ARSF: variants seen among roughly 807,000 people sequenced by gnomAD.
ARSF encodes the protein arylsulfatase F.
Under a neutral mutation model 35.4 loss-of-function variants are expected in ARSF, and 33 were observed. That is an observed-to-expected ratio of 0.93 (90% confidence interval 0.71 to 1.25). ARSF has a LOEUF of 1.25. ARSF is among the 50% of genes most tolerant of loss of function. The pLI, the probability that ARSF is intolerant of heterozygous loss-of-function variation, is 0.00. For synonymous variants in ARSF, 222 were observed against 193.1 expected, an observed-to-expected ratio of 1.15 and a Z score of -1.24; for missense variants, 501 against 480.2, an observed-to-expected ratio of 1.04 and a Z score of -0.40.
chrX:3,050,761 G>C (rs1488302452), intron 1 of ARSF, among the ~76,000 whole-genome samples: 1 of 110,734 alleles, frequency 9.0e-6, no homozygotes, highest in East Asian at 2.8e-4. Context: ...GCCAGCACTT[G>C]GGAGGGGAGC....
At chrX:3,046,533 G>C in intron 1 of ARSF, among the ~76,000 whole-genome samples, 1 of 112,145 alleles carries the variant, frequency 8.9e-6, no homozygotes, top group South Asian at 3.7e-4. Flanking sequence ...GGAATTTAGA[G>C]ATGGATCCTA....
In ARSF at chrX:3,109,561, G is replaced by A. The variant is rs1190893076; in HGVS notation, c.1266-567G>A. 3.6e-5 allele frequency among the ~76,000 whole-genome samples: 4 copies of A among 110,428 alleles called. No individual in the cohort carries two copies. The Admixed American group carries it at 3.9e-4, about 11-fold the overall frequency. ...CCAAGCAGTGAACATAGCGCCCAAC[G>A]GGTAGTTTTTCAACCCTTCCCTCCT... is the stretch of plus-strand genomic sequence containing the variant. On this transcript the variant is annotated intron_variant, in intron 9 of 10. Coordinates refer to ENST00000381127, the MANE Select transcript of ARSF (RefSeq NM_001201539.2).
chrX:3,110,128 G>A lies in ARSF; in HGVS notation c.1266G>A (p.Arg422=). ...ATCTGCACTGTCTGTGTCTCTGCAG[G>A]GTCATTGACGGCCGAGACCTCATGC... is the stretch of plus-strand genomic sequence containing the variant. ...SVSGGSLPQD[R]VIDGRDLMPL... is the part of the protein sequence containing the mutation. Residue 422 remains arginine (R), a splice_region_variant and synonymous_variant, in exon 10 of 11, where the codon AGG becomes AGA. Coordinates refer to ENST00000381127, the MANE Select transcript of ARSF (RefSeq NM_001201539.2). 8.5e-7 allele frequency: 1 copy of A among 1,178,778 alleles called. No individual in the cohort carries two copies. Among genetic ancestry groups the A allele is most frequent in the Non-Finnish European group, 1.1e-6 (1 of 878,479 alleles).
chrX:3,092,259 C>G (rs1226825977), intron 7 of ARSF, among the ~76,000 whole-genome samples: 2 of 111,195 alleles, frequency 1.8e-5, no homozygotes, highest in Non-Finnish European at 3.8e-5. Flanking sequence ...TACTTTCTGC[C>G]TCCACCAGCA....
Position 3,112,712 on chromosome X carries a change from C to T in ARSF, c.*156C>T. The stretch of plus-strand genomic sequence containing the variant: ...ATCTACCATTCCAGATTATTAAAGG[C>T]CCACTGGTTGTTCCACTTGCTGCTT... On this transcript the variant is annotated 3_prime_UTR_variant, in exon 11 of 11. Coordinates refer to ENST00000381127, the MANE Select transcript of ARSF (RefSeq NM_001201539.2). The T allele has an allele frequency of 1.2e-6, 1 of 818,846 alleles. No individual in the cohort carries two copies. The highest frequency in any genetic ancestry group is 3.8e-5 in the East Asian group (1 of 26,531). The allele number at this position is 818,846 out of a possible 1,213,427, so 67.5% of individuals were successfully genotyped here.
chrX:3,082,394 A>T (rs1244848516), intron 5 of ARSF, among the ~76,000 whole-genome samples: 2 of 111,198 alleles, frequency 1.8e-5, no homozygotes, highest in African/African-American at 3.3e-5. Flanking sequence ...CTACCTGTCT[A>T]TCTATCTACC....
intron 1 of ARSF, among the ~76,000 whole-genome samples, chrX:3,048,789 G>A (rs1007273101): frequency 7.1e-5 from 8 of 112,139 alleles, no homozygotes; most frequent in African/African-American, 1.6e-4. Flanking sequence ...TTTTGGGTTC[G>A]CAATAGATTC....
chrX:3,103,302 G>A (rs1264852824), intron 8 of ARSF, among the ~76,000 whole-genome samples: 2 of 111,130 alleles, frequency 1.8e-5, no homozygotes, highest in East Asian at 5.7e-4. Context: ...GAAAAAACAC[G>A]AGAGTAAAGA....
At chrX:3,085,204 A>T (rs1375433617) in intron 6 of ARSF, among the ~76,000 whole-genome samples, 2 of 109,254 alleles carry the variant, frequency 1.8e-5, no homozygotes, top group Non-Finnish European at 3.8e-5. Flanking sequence ...ACTTAAACTC[A>T]CAAATTGTTT....
intron 1 of ARSF, among the ~76,000 whole-genome samples, chrX:3,060,555 A>G (rs2090037669): frequency 9.0e-6 from 1 of 111,614 alleles, no homozygotes; most frequent in African/African-American, 3.3e-5. Context: ...CAAGGACGCT[A>G]AAAACCTTGA....
intron 1 of ARSF, among the ~76,000 whole-genome samples, chrX:3,058,805 G>A (rs747645715): frequency 6.3e-5 from 7 of 111,711 alleles, no homozygotes; most frequent in South Asian, 3.8e-4. Context: ...AGGCTGCAGC[G>A]AGCTCTTATC....
chrX:3,090,573 C>T (rs771404170), intron 7 of ARSF, among the ~76,000 whole-genome samples: 15 of 111,924 alleles, frequency 1.3e-4, no homozygotes, highest in East Asian at 2.8e-4. Flanking sequence ...GAGACTGAAG[C>T]GGGAGGATTG....
At chrX:3,110,996 T>C (rs1032279457) in intron 10 of ARSF, among the ~76,000 whole-genome samples, 1 of 112,110 alleles carries the variant, frequency 8.9e-6, no homozygotes, top group Non-Finnish European at 1.9e-5. Context: ...ACTCTAATGT[T>C]CTCGTTTTGT....
At chrX:3,101,049 T>A in intron 7 of ARSF, 38 bp from the exon 8 acceptor site, 2 of 1,187,572 alleles carry the variant, frequency 1.7e-6, no homozygotes, top group Non-Finnish European at 2.3e-6. Flanking sequence ...TACCTCATAA[T>A]GTCATTATTT....
chrX:3,073,826 T>C lies in ARSF; in HGVS notation c.161+1651T>C, dbSNP rs370819046. Among the ~76,000 whole-genome samples the C allele has an allele frequency of 2.0e-4, 21 of 107,016 alleles. No individual in the cohort carries two copies. The East Asian group carries it at 4.0e-3, about 20-fold the overall frequency. 92.9% of individuals were successfully genotyped at this position (107,016 alleles called of 115,157 possible). A position where few individuals can be genotyped will look rare whatever the true frequency, so the allele number is the denominator to read the frequency against. ...ATTCAGCAGAATTCATTCTGTTTCC[T>C]AATTTGGTGAGCCAATAGATTCTTT... On this transcript the variant is annotated intron_variant, in intron 3 of 10. Coordinates refer to ENST00000381127, the MANE Select transcript of ARSF (RefSeq NM_001201539.2).
rs189308712 is a variant in ARSF at position 3,060,912 on chromosome X, T to C, written c.-28-7161T>C. Among the ~76,000 whole-genome samples, 62 of 111,745 alleles carry C rather than the reference T, an allele frequency of 5.5e-4. No individual in the cohort carries two copies. In the Admixed American group the frequency reaches 5.9e-3, roughly 11 times the overall value. The stretch of plus-strand genomic sequence containing the variant: ...TCATCAGGATATTATCCAGGAGAAC[T>C]TCCCCAACCTAGCAAGGCAGGCCAA... On this transcript the variant is annotated intron_variant, in intron 1 of 10. Coordinates refer to ENST00000381127, the MANE Select transcript of ARSF (RefSeq NM_001201539.2).
intron 3 of ARSF, among the ~76,000 whole-genome samples, chrX:3,074,630 A>G (rs2090133114): frequency 9.0e-6 from 1 of 111,723 alleles, no homozygotes; most frequent in Non-Finnish European, 1.9e-5. Context: ...TAGCTAAATC[A>G]AGCTAATTAA....
chrX:3,088,481 T>C (rs776487878), intron 6 of ARSF, among the ~76,000 whole-genome samples: 1 of 111,418 alleles, frequency 9.0e-6, no homozygotes, highest in East Asian at 2.8e-4. Flanking sequence ...ACCAATACAC[T>C]GAGGCAGCAG....
intron 1 of ARSF, among the ~76,000 whole-genome samples, chrX:3,062,236 T>G (rs1363845410): frequency 3.7e-5 from 4 of 108,755 alleles, no homozygotes; most frequent in African/African-American, 1.3e-4. Context: ...CAGAAATAAA[T>G]ATGTTCTTTG....
Sources: allele counts gnomAD v4.1 joint callset (sites outside exome capture counted in the v4.1 genomes callset), GRCh38; gene constraint gnomAD v4.1.1; transcripts MANE v1.5; gene names NCBI Gene and HGNC (gene_info 2026-07-23, HGNC 2026-07-21).